The following SV2C variants were observed in gnomAD, a reference collection of about 807,000 sequenced individuals.
SV2C encodes the protein synaptic vesicle glycoprotein 2C, also known as solute carrier family 22 member B3.
In SV2C, 49 loss-of-function variants were observed where a neutral mutation model predicts 79.7. The ratio of observed to expected loss-of-function variants is 0.61; its 90% CI spans 0.49 to 0.78. The LOEUF is 0.78. SV2C is among the 30% of genes least tolerant of loss of function. The pLI, the probability that SV2C is intolerant of heterozygous loss-of-function variation, is 0.00. For synonymous variants in SV2C, 334 were observed against 333.2 expected (o/e 1.00, Z -0.03); for missense variants, 833 against 912.9 (o/e 0.91, Z 1.13).
the SV2C span, among the ~76,000 whole-genome samples, chr5:76,070,816 T>C: frequency 1.3e-5 from 2 of 152,242 alleles, no homozygotes; most frequent in Non-Finnish European, 2.9e-5. Context: ...GCATTCCCTC[T>C]GGGACAGTTT....
chr5:76,128,036 T>C (rs964442559), intron 1 of SV2C, among the ~76,000 whole-genome samples: 2 of 152,176 alleles, frequency 1.3e-5, no homozygotes, highest in Non-Finnish European at 1.5e-5. Context: ...TGTCAGATTC[T>C]GTCCTAAAAC....
At chr5:75,894,168 G>A in the SV2C span, among the ~76,000 whole-genome samples, 2 of 152,038 alleles carry the variant, frequency 1.3e-5, no homozygotes, top group South Asian at 4.1e-4. Context: ...CAATTAGATG[G>A]CTGTGGCAGT....
chr5:75,879,151 C>T, the SV2C span, among the ~76,000 whole-genome samples: 52,554 of 151,982 alleles, frequency 0.35, 12,202 homozygotes, highest in African/African-American at 0.67. Context: ...CCTTCAACAC[C>T]GGGAATTACA....
intron 1 of SV2C, among the ~76,000 whole-genome samples, chr5:76,092,536 C>T (rs1274487346): frequency 6.6e-6 from 1 of 152,218 alleles, no homozygotes; most frequent in East Asian, 1.9e-4. Flanking sequence ...CTGCTCATTG[C>T]TGACTTAGGT....
chr5:76,223,283 C>G (rs968703480), intron 4 of SV2C, among the ~76,000 whole-genome samples: 3 of 151,156 alleles, frequency 2.0e-5, no homozygotes, highest in African/African-American at 7.3e-5. Flanking sequence ...TAAAAATTAG[C>G]TGGGCATGGT....
the SV2C span, among the ~76,000 whole-genome samples, chr5:75,872,886 G>A: frequency 1.4e-3 from 217 of 151,722 alleles, 2 homozygotes; most frequent in Middle Eastern, 0.017. Context: ...TTGTGCACAC[G>A]TAGCCTAAAA....
chr5:76,121,067 G>T (rs1368805837), intron 1 of SV2C, among the ~76,000 whole-genome samples: 2 of 150,514 alleles, frequency 1.3e-5, no homozygotes, highest in South Asian at 2.1e-4. Context: ...ATTCTAACTG[G>T]TGTGAGATGG....
the SV2C span, among the ~76,000 whole-genome samples, chr5:75,901,376 A>G: frequency 9.9e-5 from 15 of 152,220 alleles, no homozygotes; most frequent in Admixed American, 2.0e-4. Context: ...CCTGGGTATC[A>G]GCAGTGGTGG....
chr5:76,121,241 G>T (rs1432755924), intron 1 of SV2C, among the ~76,000 whole-genome samples: 43 of 151,922 alleles, frequency 2.8e-4, no homozygotes, highest in East Asian at 1.2e-3. Flanking sequence ...TAACTTTGTT[G>T]GAGTTCATTG....
the SV2C span, among the ~76,000 whole-genome samples, chr5:75,930,169 C>T: frequency 6.6e-6 from 1 of 152,132 alleles, no homozygotes; most frequent in Non-Finnish European, 1.5e-5. Flanking sequence ...CCTTCCCCCG[C>T]TTCTCCCCCT....
intron 4 of SV2C, among the ~76,000 whole-genome samples, chr5:76,282,042 A>G (rs1324372995): frequency 1.3e-5 from 2 of 152,194 alleles, no homozygotes; most frequent in African/African-American, 2.4e-5. Flanking sequence ...TCTTTGGTTA[A>G]ATCACTTCAT....
At chr5:75,895,176 A>G in the SV2C span, among the ~76,000 whole-genome samples, 1 of 152,150 alleles carries the variant, frequency 6.6e-6, no homozygotes, top group Non-Finnish European at 1.5e-5. Flanking sequence ...AAATCCTGGA[A>G]AGAGAAAAAT....
intron 4 of SV2C, among the ~76,000 whole-genome samples, chr5:76,283,692 C>T (rs1347641327): frequency 6.6e-6 from 1 of 152,140 alleles, no homozygotes; most frequent in African/African-American, 2.4e-5. Context: ...TGGTAATATA[C>T]ACTATCTTCA....
At chr5:76,051,293 C>T in the SV2C span, among the ~76,000 whole-genome samples, 4 of 152,076 alleles carry the variant, frequency 2.6e-5, no homozygotes, top group African/African-American at 9.7e-5. Context: ...TAATAATACT[C>T]AGAGGTGTTG....
chr5:75,991,584 TACACAC>T, the SV2C span, among the ~76,000 whole-genome samples: 1 of 79,968 alleles, frequency 1.3e-5, no homozygotes, highest in African/African-American at 4.5e-5. Context: ...TATATATATA[TACACAC>T]ATATATATAT....
chr5:76,294,564 T>C (rs1207286057), intron 8 of SV2C, among the ~76,000 whole-genome samples: 1 of 152,226 alleles, frequency 6.6e-6, no homozygotes, highest in Non-Finnish European at 1.5e-5. Context: ...CCTCCCAAAG[T>C]GTTGGGATTA....
At chr5:76,147,934 C>T (rs917766076) in intron 2 of SV2C, among the ~76,000 whole-genome samples, 6 of 152,048 alleles carry the variant, frequency 3.9e-5, no homozygotes, top group Non-Finnish European at 8.8e-5. Flanking sequence ...TTATGTAATA[C>T]ATTTTTTTCC....
At chr5:76,067,724 T>G in the SV2C span, among the ~76,000 whole-genome samples, 1 of 152,218 alleles carries the variant, frequency 6.6e-6, no homozygotes, top group Non-Finnish European at 1.5e-5. Context: ...TTCAAGAGTA[T>G]ATGTGTCTCT....
intron 4 of SV2C, 127 bp from the exon 5 acceptor site, chr5:76,285,035 A>G: frequency 7.4e-7 from 1 of 1,358,792 alleles, no homozygotes; most frequent in Non-Finnish European, 1.0e-6. Context: ...TGATGCCCAG[A>G]TCAGCTCACT....
Sources: allele counts gnomAD v4.1 joint callset (sites outside exome capture counted in the v4.1 genomes callset), GRCh38; gene constraint gnomAD v4.1.1; transcripts MANE v1.5; gene names NCBI Gene and HGNC (gene_info 2026-07-23, HGNC 2026-07-21).